CBR4: variants seen among roughly 807,000 people sequenced by gnomAD.
CBR4 encodes the protein 3-oxoacyl-[acyl-carrier-protein] reductase.
CBR4 carries 22 observed loss-of-function variants against 21.0 expected under a neutral mutation model. The ratio of observed to expected loss-of-function variants is 1.05; its 90% CI spans 0.75 to 1.50. The LOEUF (loss-of-function observed/expected upper bound fraction) is 1.50, where lower values mean the gene tolerates loss of function less well. CBR4 is among the 40% of genes most tolerant of loss of function. CBR4 has a pLI of 0.00. For missense variants in CBR4, 302 were observed against 286.3 expected (o/e 1.05, Z -0.40); for synonymous variants, 100 against 104.4 (o/e 0.96, Z 0.26).
In CBR4 at chr4:168,990,233, G is replaced by C. The variant is rs1450209276; in HGVS notation, c.631C>G (p.His211Asp). ...GATTCTAAAAGAAACACAACCGCAT[G>C]TGCCACCTCAATAGTTTCTCCAAAC... ...GRFGETIEVA[H>D]AVVFLLESPY... The change falls in exon 5 of 5, where the codon CAT becomes GAT. Residue 211 changes from histidine to aspartate, a missense_variant. His to Asp is a moderately conservative substitution (Grantham distance 81, BLOSUM62 -1). Coordinates refer to ENST00000306193, the MANE Select transcript of CBR4 (RefSeq NM_032783.5). 2 of 1,613,712 alleles carry C rather than the reference G, an allele frequency of 1.2e-6. No individual in the cohort carries two copies.
chr4:168,992,107 T>A (rs1222324015), intron 4 of CBR4, among the ~76,000 whole-genome samples: 1 of 152,232 alleles, frequency 6.6e-6, no homozygotes, highest in Non-Finnish European at 1.5e-5. Flanking sequence ...ACGCATTTTC[T>A]TAAAAGTCTT....
chr4:168,945,037 T>C (rs1031945814), intron 2 of CBR4, among the ~76,000 whole-genome samples: 4 of 152,208 alleles, frequency 2.6e-5, no homozygotes, highest in Non-Finnish European at 4.4e-5. Context: ...ACAATAACCA[T>C]TCTTTCACTA....
At chr4:168,949,114 T>G (rs530864128) in intron 2 of CBR4, among the ~76,000 whole-genome samples, 1 of 152,158 alleles carries the variant, frequency 6.6e-6, no homozygotes, top group Non-Finnish European at 1.5e-5. Context: ...AGTATTTAAA[T>G]TTTTTTGCAG....
chr4:168,943,859 G>A (rs745839769), intron 2 of CBR4, among the ~76,000 whole-genome samples: 1 of 152,050 alleles, frequency 6.6e-6, no homozygotes, highest in Non-Finnish European at 1.5e-5. Flanking sequence ...GCAGTGAGCC[G>A]AGACGGAGCT....
chr4:168,965,589 T>C (rs1460722650), intron 2 of CBR4, among the ~76,000 whole-genome samples: 1 of 152,046 alleles, frequency 6.6e-6, no homozygotes, highest in Non-Finnish European at 1.5e-5. Context: ...GCCTCAGAAA[T>C]AACACCACAC....
At chr4:168,910,803 C>T (rs528998463) in intron 2 of CBR4, among the ~76,000 whole-genome samples, 4 of 152,162 alleles carry the variant, frequency 2.6e-5, no homozygotes, top group South Asian at 2.1e-4. Context: ...GAATGCAATA[C>T]GAAGGTATTT....
rs398064261 is a variant in CBR4 at position 168,928,326 on chromosome 4, TAA to T, written n.170-33563_170-33562del. 1.3e-3 allele frequency: 225 copies of T among 179,460 alleles called. 1 individual carries two copies. The highest frequency in any genetic ancestry group is 2.1e-3 in the Middle Eastern group (1 of 466). 11.1% of individuals were successfully genotyped at this position (179,460 alleles called of 1,614,324 possible). On this transcript the variant is annotated intron_variant and non_coding_transcript_variant, in intron 2 of 3. Transcript: ENST00000509108. ...TTTTGCCACCTTTATATTGTATTTA[TAA>T]AAAAAAAAGTACTATCAATCAATCA...
rs542485542 is a variant in CBR4 at position 168,977,687 on chromosome 4, C to T, written n.169+24384G>A. The stretch of plus-strand genomic sequence containing the variant: ...GATGTCTCCTATCCTATCTCCAAAG[C>T]ACCTGAAATCAGCATGTTTAAAATT... On this transcript the variant is annotated intron_variant and non_coding_transcript_variant, in intron 2 of 3. Coordinates refer to the CBR4 transcript ENST00000509108. Among the ~76,000 whole-genome samples the T allele has an allele frequency of 5.7e-4, 87 of 152,340 alleles. 2 individuals are homozygous for T. Among genetic ancestry groups the T allele is most frequent in the African/African-American group, 1.9e-3 (81 of 41,572 alleles).
intron 2 of CBR4, among the ~76,000 whole-genome samples, chr4:168,947,783 T>TA (rs757498689): frequency 2.0e-5 from 3 of 152,228 alleles, no homozygotes; most frequent in Admixed American, 6.5e-5. Flanking sequence ...CATTGATTGA[T>TA]AGACATTTGG....
intron 2 of CBR4, chr4:168,925,402 C>T (rs1341554262): frequency 2.6e-6 from 2 of 767,486 alleles, no homozygotes; most frequent in Admixed American, 3.9e-5. Flanking sequence ...AAGGCATAAC[C>T]ATGTTTTTCA....
At chr4:168,913,030 T>A (rs1759319156) in intron 2 of CBR4, among the ~76,000 whole-genome samples, 2 of 152,202 alleles carry the variant, frequency 1.3e-5, no homozygotes, top group South Asian at 4.1e-4. Context: ...GAACATGGCT[T>A]CATTTAGTCA....
At chr4:168,987,478 G>C, downstream of CBR4, 1 of 200,054 alleles carries the variant, frequency 5.0e-6, no homozygotes, top group Non-Finnish European at 8.9e-6. Context: ...TTAGCTAAAT[G>C]AATGAACACA....
At chr4:168,982,043 T>C (rs1365697958) in intron 2 of CBR4, among the ~76,000 whole-genome samples, 3 of 152,154 alleles carry the variant, frequency 2.0e-5, no homozygotes, top group Non-Finnish European at 4.4e-5. Flanking sequence ...AATAACATGA[T>C]GACAGGATAA....
chr4:168,983,434 T>C (rs1344124541), downstream of CBR4, among the ~76,000 whole-genome samples: 1 of 151,834 alleles, frequency 6.6e-6, no homozygotes, highest in Non-Finnish European at 1.5e-5. Context: ...TCCTACCAGC[T>C]AGAAAAAGCC....
At chr4:168,895,407 T>C (rs1754906167) in intron 2 of CBR4, among the ~76,000 whole-genome samples, 1 of 152,090 alleles carries the variant, frequency 6.6e-6, no homozygotes, top group Non-Finnish European at 1.5e-5. Context: ...TAAAAACACA[T>C]ATACGACTTT....
intron 2 of CBR4, among the ~76,000 whole-genome samples, chr4:168,976,367 T>C (rs1220853614): frequency 2.0e-5 from 3 of 152,216 alleles, no homozygotes; most frequent in Admixed American, 6.5e-5. Context: ...CATTTTGTCA[T>C]GCACGTCCAT....
rs368806050 is a variant in CBR4 at position 168,925,021 on chromosome 4, G to C, written n.170-30256C>G. 72 of 1,613,966 alleles carry C rather than the reference G, an allele frequency of 4.5e-5. 3 individuals are homozygous for C. Among genetic ancestry groups the C allele is most frequent in the Non-Finnish European group, 3.4e-6 (4 of 1,179,986 alleles). ...AAAAGAAGATGCTGGGTGGTATACT[G>C]TGTCAGCCAAGAATGAAGCAGGGAT... is the stretch of plus-strand genomic sequence containing the variant. On this transcript the variant is annotated intron_variant and non_coding_transcript_variant, in intron 2 of 3. Coordinates refer to the CBR4 transcript ENST00000509108.
chr4:169,000,636 T>C (rs564969216), intron 4 of CBR4, among the ~76,000 whole-genome samples: 1 of 152,328 alleles, frequency 6.6e-6, no homozygotes, highest in African/African-American at 2.4e-5. Flanking sequence ...TGATTAATTC[T>C]TAAGTACCTA....
chr4:168,932,368 G>C (rs1762994834), intron 2 of CBR4, among the ~76,000 whole-genome samples: 1 of 151,800 alleles, frequency 6.6e-6, no homozygotes, highest in South Asian at 2.1e-4. Context: ...CTTGGAGGTA[G>C]GCCTTTTGAA....
Sources: gnomAD v4.1 joint callset for allele counts (sites outside exome capture counted in the v4.1 genomes callset) on GRCh38, gnomAD v4.1.1 for gene constraint, MANE v1.5 for transcripts, NCBI Gene and HGNC (gene_info 2026-07-23, HGNC 2026-07-21) for gene names.